The following WDR90 variants were observed in gnomAD, a reference collection of about 807,000 sequenced individuals.
WDR90 encodes WD repeat-containing protein 90.
WDR90 carries 238 observed loss-of-function variants against 195.2 expected under a neutral mutation model. The observed-to-expected ratio is 1.22, with a 90% CI of 1.10 to 1.36. WDR90 has a LOEUF of 1.36. Ranked by LOEUF, WDR90 falls within the 40% of genes most tolerant of loss-of-function variation. The pLI is 0.00. For synonymous variants in WDR90, 1,265 were observed against 1,052.4 expected, an observed-to-expected ratio of 1.20 and a Z score of -3.91; for missense variants, 2,734 against 2,439.5, an observed-to-expected ratio of 1.12 and a Z score of -2.54.
rs756521676 is a variant in WDR90 at position 653,451 on chromosome 16, G to A, written c.1233G>A (p.Lys411=). 2 of 1,612,432 alleles carry A rather than the reference G, an allele frequency of 1.2e-6. No homozygotes were observed. Among genetic ancestry groups the A allele is most frequent in the Non-Finnish European group, 1.7e-6 (2 of 1,179,576 alleles). ...EQRFFLGHTD[K]VSALALDGSS... ...GCTTCTTCCTTGGCCACACAGACAAGGTGGGTGCTGCCCGGGCCTGGGGCA... is the reference window on the plus strand; with the variant it reads ...GCTTCTTCCTTGGCCACACAGACAAAGTGGGTGCTGCCCGGGCCTGGGGCA... Residue 411 remains lysine, a splice_region_variant and synonymous_variant, in exon 11 of 41, where the codon AAG becomes AAA. Transcript: ENST00000293879.
rs200973161 is a variant in WDR90 at position 661,895 on chromosome 16, G to A, written c.3869G>A (p.Arg1290His). ...GCCACTCTCATACTTTGCCAGGTGC[G>A]TCGAGAGCCAGTCCCAGAGGCAGTG... is the stretch of plus-strand genomic sequence containing the variant. ...QRGADISLQV[R>H]REPVPEAVGA... Residue 1290 changes from arginine to histidine, a missense_variant, in exon 32 of 41, where the codon CGT becomes CAT. Physicochemically the swap from Arg to His is conservative, Grantham distance 29. Transcript: ENST00000293879. 1.1e-3 allele frequency: 1,795 copies of A among 1,608,886 alleles called. 4 individuals are homozygous for A. Among genetic ancestry groups the A allele is most frequent in the Non-Finnish European group, 1.3e-3 (1,569 of 1,177,918 alleles).
rs2037633038 is a variant in WDR90, at chr16:650,944, T to G, written c.560-51T>G. 3 of 1,595,186 alleles carry G rather than the reference T, an allele frequency of 1.9e-6. No homozygotes were observed. In the East Asian group the frequency reaches 6.7e-5, roughly 36 times the overall value. Reference sequence around the variant, plus strand: ...CAGTGCCTTGGCGGGTGCCCTGTGTTCAGGTGGCTAAACAGCCTCCCTTGA... The same window carrying G: ...CAGTGCCTTGGCGGGTGCCCTGTGTGCAGGTGGCTAAACAGCCTCCCTTGA... On this transcript the variant is annotated intron_variant, in intron 5 of 40. Coordinates refer to ENST00000293879, the MANE Select transcript of WDR90 (RefSeq NM_145294.5).
At chr16:665,531 C>G (rs1262905331) in intron 34 of WDR90, 148 bp from the exon 35 acceptor site, 1 of 1,317,678 alleles carries the variant, frequency 7.6e-7, no homozygotes, top group East Asian at 2.4e-5. Context: ...GCCGGCATTG[C>G]TCCTTTCCGC....
intron 9 of WDR90, 35 bp from the exon 10 acceptor site, chr16:652,432 G>C (rs2037665287): frequency 6.4e-7 from 1 of 1,565,326 alleles, no homozygotes; most frequent in African/African-American, 1.4e-5. Flanking sequence ...ACCTGGCTGA[G>C]CCTCCCAGGA....
chr16:650,508 T>G (rs1373331742), intron 4 of WDR90, 31 bp from the exon 5 acceptor site: 1 of 1,588,718 alleles, frequency 6.3e-7, no homozygotes, highest in Admixed American at 1.7e-5. Context: ...GTCAGGAGGG[T>G]GGGCGCTGAC....
upstream of WDR90, chr16:649,296 CATGACGGCGGAAGTA>C: frequency 8.2e-7 from 1 of 1,223,692 alleles, no homozygotes; most frequent in Non-Finnish European, 1.0e-6. Context: ...AGGGCGCCGC[CATGACGGCGGAAGTA>C]ATGGCGGAAG....
chr16:663,233 T>C (rs2037955099), intron 34 of WDR90: 2 of 356,764 alleles, frequency 5.6e-6, no homozygotes, highest in Non-Finnish European at 1.1e-5. Context: ...AGGTCAGGAG[T>C]TCGAGACCAG....
rs374630572 is a variant in WDR90 at position 662,334 on chromosome 16, G to A, written c.4145+3G>A. 4.5e-6 allele frequency: 7 copies of A among 1,556,880 alleles called. No homozygotes were observed. The South Asian group carries it at 7.1e-5, about 16-fold the overall frequency. ...AGGTGCAAGGGCTCAGGCGCCAGGT[G>A]AGCTGTTCACCCCTACGTGTTTTGG... On this transcript the variant is annotated splice_donor_region_variant and intron_variant, in intron 33 of 40. Transcript: ENST00000293879.
chr16:663,017 C>A, intron 34 of WDR90, 173 bp downstream of exon 34: 1 of 1,001,830 alleles, frequency 1.0e-6, no homozygotes, highest in Non-Finnish European at 1.5e-6. Flanking sequence ...CCCCTCAAAG[C>A]CGTCCCGGTT....
chr16:656,053 C>T, intron 17 of WDR90, 164 bp downstream of exon 17: 1 of 909,194 alleles, frequency 1.1e-6, no homozygotes. Context: ...GCGGCTGATG[C>T]CAGGGCGGCC....
Position 660,118 on chromosome 16 carries a change from C to G in WDR90, c.3245C>G (p.Ala1082Gly), listed in dbSNP as rs1370854364. The G allele has an allele frequency of 1.9e-6, 3 of 1,544,218 alleles. No homozygotes were observed. In the African/African-American group the frequency reaches 4.1e-5, roughly 21 times the overall value. The change falls in exon 27 of 41, where the codon GCC (alanine) becomes GGC (glycine). Residue 1082 changes from alanine (A) to glycine (G), a missense_variant. By Grantham distance (60) the Ala-to-Gly change is moderately conservative (BLOSUM62 0). Transcript: ENST00000293879. Reference sequence around the variant, plus strand: ...ACCACCTACCTGGCTTCCTGCAAGGCCTTCACGCCTGCCAGGGTCAGCTGC... The same window carrying G: ...ACCACCTACCTGGCTTCCTGCAAGGGCTTCACGCCTGCCAGGGTCAGCTGC... ...PRTTYLASCK[A>G]FTPARVSCSP...
At chr16:651,568 C>A in intron 7 of WDR90, 76 bp from the exon 8 acceptor site, 1 of 1,439,002 alleles carries the variant, frequency 6.9e-7, no homozygotes, top group Non-Finnish European at 9.6e-7. Flanking sequence ...TTGCTGCTGC[C>A]CTCCCCAGGC....
intron 23 of WDR90, 52 bp from the exon 24 acceptor site, chr16:658,844 G>A: frequency 6.3e-7 from 1 of 1,599,694 alleles, no homozygotes; most frequent in Non-Finnish European, 8.5e-7. Context: ...TGGGCACACG[G>A]CAGCATCCAT....
chr16:651,357 T>G, intron 7 of WDR90, 91 bp downstream of exon 7: 1 of 1,437,378 alleles, frequency 7.0e-7, no homozygotes, highest in South Asian at 1.2e-5. Context: ...AAGGACCCAG[T>G]GGTGTGCTGG....
rs1171430301 is a variant in WDR90, at chr16:658,223, GC to G, written c.2647del (p.Arg883AlafsTer52). On this transcript the variant is annotated frameshift_variant, in exon 22 of 41. Transcript: ENST00000293879. LOFTEE classifies it high-confidence loss of function. ...VDIGTLDLAS[S>X]RLDSAMAVCF... Reference sequence around the variant, plus strand: ...ATCGGCACTCTGGACCTGGCCAGCAGCCGCCTGGACTCAGCCATGGCTGTGT... The same window carrying G: ...ATCGGCACTCTGGACCTGGCCAGCAGCGCCTGGACTCAGCCATGGCTGTGT... 4.3e-6 allele frequency: 7 copies of G among 1,612,248 alleles called. No homozygotes were observed. The highest frequency in any genetic ancestry group is 5.9e-6 in the Non-Finnish European group (7 of 1,179,722).
intron 25 of WDR90, 38 bp downstream of exon 25, chr16:659,164 C>G (rs1482625014): frequency 2.5e-6 from 4 of 1,610,080 alleles, no homozygotes; most frequent in Non-Finnish European, 2.5e-6. Context: ...AGGTGCTGCG[C>G]TGACTCTGGG....
chr16:666,411 C>A (rs1420576817), intron 37 of WDR90, 44 bp from the exon 38 acceptor site: 2 of 1,609,008 alleles, frequency 1.2e-6, no homozygotes, highest in Non-Finnish European at 1.7e-6. Context: ...CAGGCACCAT[C>A]TTGGCAGAAG....
chr16:666,476 G>A lies in WDR90; in HGVS notation c.4762G>A (p.Gly1588Ser), dbSNP rs1425042237. 1 of 1,612,486 alleles carries A rather than the reference G, an allele frequency of 6.2e-7. No individual in the cohort carries two copies. Among genetic ancestry groups the A allele is most frequent in the African/African-American group, 1.3e-5 (1 of 75,038 alleles). Reference sequence around the variant, plus strand: ...CCAGTGTGAAGACTTAGGGGTGGAGGGCACAGACCTATGGCTGGCTGCCAG... The same window carrying A: ...CCAGTGTGAAGACTTAGGGGTGGAGAGCACAGACCTATGGCTGGCTGCCAG... ...CKECEDLGVEGTDLWLAASGD... is the reference protein window; with the variant it reads ...CKECEDLGVESTDLWLAASGD... Residue 1588 changes from glycine to serine, a missense_variant, in exon 38 of 41, where the codon GGC becomes AGC. Transcript: ENST00000293879.
At chr16:654,991 T>G in intron 13 of WDR90, 38 bp from the exon 14 acceptor site, 1 of 1,594,714 alleles carries the variant, frequency 6.3e-7, no homozygotes, top group Non-Finnish European at 8.6e-7. Flanking sequence ...TGGCCCCGAC[T>G]GGCCCTGCCG....
Sources: allele counts gnomAD v4.1 joint callset, GRCh38; gene constraint gnomAD v4.1.1; transcripts MANE v1.5; gene names NCBI Gene and HGNC (gene_info 2026-07-23, HGNC 2026-07-21).